HCN1: variants seen among roughly 807,000 people sequenced by gnomAD.
HCN1 encodes the protein hyperpolarization activated cyclic nucleotide gated potassium channel 1.
HCN1 carries 13 observed loss-of-function variants against 78.9 expected under a neutral mutation model. The observed-to-expected ratio is 0.16, with a 90% confidence interval of 0.11 to 0.26. HCN1 has a LOEUF of 0.26. Among genes scored for constraint, HCN1 ranks in the 10% least tolerant of loss-of-function variants. The pLI, the probability that HCN1 is intolerant of heterozygous loss-of-function variation, is 1.00. For missense variants in HCN1, 810 were observed against 1,154.3 expected (o/e 0.70, Z 4.32); for synonymous variants, 552 against 455.5 (o/e 1.21, Z -2.70).
At chr5:45,354,608 T>C (rs1251568176) in intron 4 of HCN1, among the ~76,000 whole-genome samples, 1 of 152,038 alleles carries the variant, frequency 6.6e-6, no homozygotes, top group African/African-American at 2.4e-5. Flanking sequence ...CTTCATTTTT[T>C]CCAACATACT....
At chr5:45,458,441 T>A (rs953140634) in intron 3 of HCN1, among the ~76,000 whole-genome samples, 3 of 152,072 alleles carry the variant, frequency 2.0e-5, no homozygotes, top group African/African-American at 4.8e-5. Flanking sequence ...CCTGCATATA[T>A]CCTGGCCTGG....
intron 4 of HCN1, among the ~76,000 whole-genome samples, 180 bp downstream of exon 4, chr5:45,396,312 G>T (rs183661473): frequency 6.6e-6 from 1 of 151,822 alleles, no homozygotes; most frequent in African/African-American, 2.4e-5. Flanking sequence ...AGAAGCAAAA[G>T]ATATGAGAAC....
intron 2 of HCN1, among the ~76,000 whole-genome samples, chr5:45,479,792 C>T (rs751172667): frequency 2.0e-5 from 3 of 152,174 alleles, no homozygotes; most frequent in East Asian, 1.9e-4. Flanking sequence ...GTTACATACA[C>T]GTATATCATG....
intron 2 of HCN1, among the ~76,000 whole-genome samples, chr5:45,586,127 G>A (rs952268529): frequency 2.6e-5 from 4 of 152,176 alleles, no homozygotes; most frequent in Non-Finnish European, 5.9e-5. Flanking sequence ...CAGAGGTGGA[G>A]TCTACAGAGG....
chr5:45,273,444 A>G (rs1016787988), intron 6 of HCN1, among the ~76,000 whole-genome samples: 1 of 152,134 alleles, frequency 6.6e-6, no homozygotes, highest in Non-Finnish European at 1.5e-5. Flanking sequence ...ACTGTCACCT[A>G]CATAAACAGT....
chr5:45,462,659 C>T (rs772144613), intron 2 of HCN1, among the ~76,000 whole-genome samples: 1 of 151,926 alleles, frequency 6.6e-6, no homozygotes, highest in Non-Finnish European at 1.5e-5. Context: ...ATGGTACAGG[C>T]TTTACTTTTC....
chr5:45,314,677 C>A (rs1433758024), intron 5 of HCN1, among the ~76,000 whole-genome samples: 1 of 152,064 alleles, frequency 6.6e-6, no homozygotes, highest in South Asian at 2.1e-4. Flanking sequence ...ACCCATCTCA[C>A]ATGCAGAGAC....
intron 3 of HCN1, among the ~76,000 whole-genome samples, chr5:45,449,901 C>T (rs1358225350): frequency 6.6e-6 from 1 of 152,102 alleles, no homozygotes; most frequent in Admixed American, 6.5e-5. Flanking sequence ...GCGGTGATCT[C>T]GGCTCACTGC....
At chr5:45,679,871 T>C (rs1002420748) in intron 1 of HCN1, among the ~76,000 whole-genome samples, 20 of 152,142 alleles carry the variant, frequency 1.3e-4, no homozygotes, top group African/African-American at 4.8e-4. Flanking sequence ...AGAACACATT[T>C]TGGTCATTAC....
At chr5:45,599,996 A>T (rs568817354) in intron 2 of HCN1, among the ~76,000 whole-genome samples, 51 of 152,108 alleles carry the variant, frequency 3.4e-4, no homozygotes, top group Non-Finnish European at 5.6e-4. Context: ...CCTGTTCATA[A>T]CTCAGCACCT....
At chr5:45,521,016 TA>T (rs1742603124) in intron 2 of HCN1, among the ~76,000 whole-genome samples, 2 of 151,990 alleles carry the variant, frequency 1.3e-5, no homozygotes, top group South Asian at 4.1e-4. Context: ...TTTGGCTTTT[TA>T]AAAAATTATT....
intron 3 of HCN1, among the ~76,000 whole-genome samples, chr5:45,437,502 A>G (rs901075067): frequency 2.0e-5 from 3 of 152,234 alleles, no homozygotes; most frequent in African/African-American, 7.2e-5. Context: ...TTCCAAGAAT[A>G]CCTTTTTCTA....
intron 4 of HCN1, among the ~76,000 whole-genome samples, chr5:45,393,093 T>C (rs571776552): frequency 6.6e-6 from 1 of 152,184 alleles, no homozygotes; most frequent in African/African-American, 2.4e-5. Context: ...ATAAAGGGAT[T>C]TGGAATTGAT....
At chr5:45,605,782 A>G (rs1744717428) in intron 2 of HCN1, among the ~76,000 whole-genome samples, 2 of 151,986 alleles carry the variant, frequency 1.3e-5, no homozygotes, top group Admixed American at 6.6e-5. Flanking sequence ...GAGTAGATGT[A>G]TCACTCTGGT....
chr5:45,393,846 T>TCTTAC (rs766682110), intron 4 of HCN1, among the ~76,000 whole-genome samples: 1 of 152,196 alleles, frequency 6.6e-6, no homozygotes, highest in Non-Finnish European at 1.5e-5. Context: ...ATATTGCTTA[T>TCTTAC]GTAAGAGGCT....
intron 6 of HCN1, among the ~76,000 whole-genome samples, chr5:45,267,518 C>T (rs544786294): frequency 6.6e-6 from 1 of 151,130 alleles, no homozygotes; most frequent in South Asian, 2.1e-4. Flanking sequence ...GCCTGTAATC[C>T]CAGCACTTTG....
chr5:45,413,355 A>T (rs371766720), intron 3 of HCN1, among the ~76,000 whole-genome samples: 7 of 152,050 alleles, frequency 4.6e-5, no homozygotes, highest in African/African-American at 1.2e-4. Context: ...ATACAGTATC[A>T]TTTTGCCAGA....
Position 45,260,649 on chromosome 5 carries a change from T to G in HCN1, c.*1272A>C, listed in dbSNP as rs1239883610. ...TCTTTAAATTAATACCATAGTAAAT[T>G]ACCAGCTACAGTGAAGACACAGACA... On this transcript the variant is annotated 3_prime_UTR_variant, in exon 8 of 8. Coordinates refer to ENST00000303230, the MANE Select transcript of HCN1 (RefSeq NM_021072.4). 1 of 152,574 alleles carries G rather than the reference T, an allele frequency of 6.6e-6. No homozygotes were observed. The highest frequency in any genetic ancestry group is 2.4e-5 in the African/African-American group (1 of 41,446). The allele number at this position is 152,574 out of a possible 1,614,324, so 9.5% of individuals were successfully genotyped here.
chr5:45,505,611 G>A (rs1397461558), intron 2 of HCN1, among the ~76,000 whole-genome samples: 1 of 152,006 alleles, frequency 6.6e-6, no homozygotes, highest in East Asian at 1.9e-4. Flanking sequence ...CTGGAGAAGG[G>A]TAAATTATAA....
Sources: allele counts gnomAD v4.1 joint callset (sites outside exome capture counted in the v4.1 genomes callset), GRCh38; gene constraint gnomAD v4.1.1; transcripts MANE v1.5; gene names NCBI Gene and HGNC (gene_info 2026-07-23, HGNC 2026-07-21).